Variants in MARCHF1 observed in about 807,000 individuals in gnomAD.
MARCHF1 encodes E3 ubiquitin-protein ligase MARCHF1.
Under a neutral mutation model 54.2 loss-of-function variants are expected in MARCHF1, and 40 were observed. The observed-to-expected ratio is 0.74, with a 90% confidence interval of 0.57 to 0.96. The LOEUF is 0.96. Among genes scored for constraint, MARCHF1 ranks in the 40% least tolerant of loss-of-function variants. MARCHF1 has a pLI of 0.00. For missense variants in MARCHF1, 586 were observed against 656.5 expected, an observed-to-expected ratio of 0.89 and a Z score of 1.17; for synonymous variants, 236 against 236.3, an observed-to-expected ratio of 1.00 and a Z score of 0.01.
intron 3 of MARCHF1, among the ~76,000 whole-genome samples, chr4:163,952,830 T>C (rs1210700932): frequency 6.6e-6 from 1 of 152,074 alleles, no homozygotes; most frequent in African/African-American, 2.4e-5. Context: ...TCTTCTGAAA[T>C]TTTTCCTAGG....
intron 4 of MARCHF1, among the ~76,000 whole-genome samples, chr4:163,763,030 C>A (rs1746871902): frequency 6.6e-6 from 1 of 152,068 alleles, no homozygotes; most frequent in Non-Finnish European, 1.5e-5. Context: ...ATTCTGAGCA[C>A]AATTTTACCA....
intron 2 of MARCHF1, among the ~76,000 whole-genome samples, chr4:164,033,076 T>C (rs1753912339): frequency 6.6e-6 from 1 of 151,184 alleles, no homozygotes; most frequent in African/African-American, 2.4e-5. Flanking sequence ...ATTTAATAAA[T>C]GGTGCTGAGG....
chr4:163,965,444 A>T (rs900923276), intron 3 of MARCHF1, among the ~76,000 whole-genome samples: 2 of 152,038 alleles, frequency 1.3e-5, no homozygotes, highest in Admixed American at 1.3e-4. Context: ...TATGACGGAT[A>T]TAAGACAGAG....
chr4:164,197,832 C>G, intron 1 of MARCHF1: 1 of 1,478,368 alleles, frequency 6.8e-7, no homozygotes, highest in Non-Finnish European at 8.9e-7. Flanking sequence ...GGTTCTCGAG[C>G]CCCAATATTT....
intron 4 of MARCHF1, among the ~76,000 whole-genome samples, chr4:163,788,868 A>G (rs1747693432): frequency 6.6e-6 from 1 of 152,058 alleles, no homozygotes; most frequent in African/African-American, 2.4e-5. Flanking sequence ...AATCTCAACA[A>G]ATTGGTGGAA....
chr4:163,861,619 G>A (rs1749935406), intron 3 of MARCHF1, among the ~76,000 whole-genome samples: 1 of 152,000 alleles, frequency 6.6e-6, no homozygotes, highest in Non-Finnish European at 1.5e-5. Flanking sequence ...TCATGGATGG[G>A]AAGACTCAAC....
chr4:163,595,850 G>A (rs532805153), intron 7 of MARCHF1, among the ~76,000 whole-genome samples: 42 of 152,102 alleles, frequency 2.8e-4, no homozygotes, highest in African/African-American at 9.6e-4. Context: ...TGTGCCTATA[G>A]TTAACAGTAA....
At chr4:163,892,760 G>A (rs1041759488) in intron 3 of MARCHF1, among the ~76,000 whole-genome samples, 5 of 152,058 alleles carry the variant, frequency 3.3e-5, no homozygotes, top group Admixed American at 1.3e-4. Flanking sequence ...ATCAAGAGCT[G>A]GTAAGGGTCT....
rs558863446 is a variant in MARCHF1, at chr4:163,631,518, T to C, written c.163-18125A>G. Among the ~76,000 whole-genome samples the C allele has an allele frequency of 7.2e-5, 11 of 152,312 alleles. No individual in the cohort carries two copies. The South Asian group carries it at 1.0e-3, about 14-fold the overall frequency. ...AAGACATTCTTATAATGTGGCAAGA[T>C]TGTCTATTGGTTTGAGTATTTCAGG... On this transcript the variant is annotated intron_variant, in intron 5 of 9. Coordinates refer to ENST00000514618, the MANE Select transcript of MARCHF1 (RefSeq NM_001394959.1).
intron 2 of MARCHF1, among the ~76,000 whole-genome samples, chr4:164,004,210 T>A (rs1012589902): frequency 6.6e-6 from 1 of 151,158 alleles, no homozygotes; most frequent in Non-Finnish European, 1.5e-5. Context: ...GATGGGTTGA[T>A]AGGTTTAGCA....
chr4:163,821,029 G>T (rs563807386), intron 4 of MARCHF1, among the ~76,000 whole-genome samples: 1 of 152,170 alleles, frequency 6.6e-6, no homozygotes, highest in South Asian at 2.1e-4. Context: ...GCATGGTCCT[G>T]GCTCCACCTC....
chr4:163,954,447 A>C (rs1397363861), intron 3 of MARCHF1, among the ~76,000 whole-genome samples: 1 of 152,188 alleles, frequency 6.6e-6, no homozygotes, highest in Non-Finnish European at 1.5e-5. Context: ...GAGATGCGTA[A>C]AAACAATTTT....
chr4:164,066,572 G>A (rs1010404743), intron 2 of MARCHF1, among the ~76,000 whole-genome samples: 3 of 152,118 alleles, frequency 2.0e-5, no homozygotes, highest in Non-Finnish European at 4.4e-5. Flanking sequence ...GTATGTGCAT[G>A]TTCATTGAAG....
chr4:163,898,238 A>G (rs758357856), intron 3 of MARCHF1, among the ~76,000 whole-genome samples: 3 of 152,092 alleles, frequency 2.0e-5, no homozygotes, highest in Non-Finnish European at 4.4e-5. Flanking sequence ...GAAATAATCA[A>G]CAAAGAAAAC....
At chr4:163,700,759 G>T in intron 5 of MARCHF1, 54 bp downstream of exon 5, 1 of 1,251,108 alleles carries the variant, frequency 8.0e-7, no homozygotes, top group Non-Finnish European at 1.1e-6. Flanking sequence ...AAACATTTAT[G>T]TGAACTCATG....
rs373202870 is a variant in MARCHF1 at position 164,348,668 on chromosome 4, A to C, written c.-323+35202T>G. The stretch of plus-strand genomic sequence containing the variant: ...TAAATAGAAATAAAACTATGGACAG[A>C]GAATGAATTAATAATAACAAGTAAG... On this transcript the variant is annotated intron_variant, in intron 1 of 9. Transcript: ENST00000514618. Among the ~76,000 whole-genome samples, 5 of 152,322 alleles carry C rather than the reference A, an allele frequency of 3.3e-5. No individual in the cohort carries two copies. The East Asian group carries it at 9.6e-4, about 29-fold the overall frequency.
intron 3 of MARCHF1, among the ~76,000 whole-genome samples, chr4:163,863,868 A>G (rs1415319089): frequency 6.6e-6 from 1 of 151,988 alleles, no homozygotes; most frequent in East Asian, 1.9e-4. Context: ...ACACAAACCA[A>G]ACACAATTTG....
At chr4:164,367,064 CAT>C (rs989642079) in intron 1 of MARCHF1, among the ~76,000 whole-genome samples, 10 of 152,148 alleles carry the variant, frequency 6.6e-5, no homozygotes, top group Admixed American at 5.9e-4. Context: ...ACAAAAGTGA[CAT>C]GTGTTCAGAG....
At chr4:163,596,951 A>AAGT (rs1740795273) in intron 7 of MARCHF1, among the ~76,000 whole-genome samples, 2 of 150,668 alleles carry the variant, frequency 1.3e-5, no homozygotes, top group Admixed American at 1.3e-4. Context: ...TAATTACCCC[A>AAGT]ATTATTATTA....
Sources: allele counts gnomAD v4.1 joint callset (sites outside exome capture counted in the v4.1 genomes callset), GRCh38; gene constraint gnomAD v4.1.1; transcripts MANE v1.5; gene names NCBI Gene and HGNC (gene_info 2026-07-23, HGNC 2026-07-21).